PLSCR2: variants seen among roughly 807,000 people sequenced by gnomAD.
PLSCR2 encodes the protein PL scramblase 2.
Under a neutral mutation model 25.3 loss-of-function variants are expected in PLSCR2, and 18 were observed. The ratio of observed to expected loss-of-function variants is 0.71; its 90% CI spans 0.49 to 1.06. The LOEUF (loss-of-function observed/expected upper bound fraction) is 1.06, where lower values mean the gene tolerates loss of function less well. PLSCR2 is among the 50% of genes least tolerant of loss of function. PLSCR2 has a pLI of 0.00. For missense variants in PLSCR2, 243 were observed against 269.5 expected, an observed-to-expected ratio of 0.90 and a Z score of 0.69; for synonymous variants, 88 against 87.3, an observed-to-expected ratio of 1.01 and a Z score of -0.04.
exon 7 of PLSCR2, chr3:146,441,769 C>T: frequency 1.9e-6 from 3 of 1,567,514 alleles, no homozygotes; most frequent in Non-Finnish European, 2.6e-6. Context: ...TTAATCCACT[C>T]CCACACTCTG....
intron 1 of PLSCR2, among the ~76,000 whole-genome samples, chr3:146,481,208 A>G (rs1401906758): frequency 6.6e-6 from 1 of 152,190 alleles, no homozygotes; most frequent in Non-Finnish European, 1.5e-5. Flanking sequence ...CTCCTATTCA[A>G]TATAGTGTTG....
upstream of PLSCR2, among the ~76,000 whole-genome samples, chr3:146,462,116 T>C (rs1380899891): frequency 6.6e-6 from 1 of 152,146 alleles, no homozygotes; most frequent in Non-Finnish European, 1.5e-5. Context: ...GTAGGTCCAA[T>C]ACAACTGTTG....
At chr3:146,493,174 C>G (rs1466922418) in intron 1 of PLSCR2, among the ~76,000 whole-genome samples, 2 of 151,940 alleles carry the variant, frequency 1.3e-5, no homozygotes, top group Non-Finnish European at 2.9e-5. Context: ...AAAAACCTAC[C>G]AACAAGAAAA....
At chr3:146,488,760 G>C (rs1353630864) in intron 1 of PLSCR2, among the ~76,000 whole-genome samples, 1 of 152,076 alleles carries the variant, frequency 6.6e-6, no homozygotes, top group African/African-American at 2.4e-5. Context: ...ACAGTGTGGT[G>C]ACTCCTCAAG....
At chr3:146,412,598 G>A (rs887994479) in intron 2 of PLSCR2, among the ~76,000 whole-genome samples, 3 of 152,118 alleles carry the variant, frequency 2.0e-5, no homozygotes, top group Non-Finnish European at 4.4e-5. Context: ...TGCCACAAAC[G>A]AAATAGCACT....
chr3:146,399,336 A>C (rs2038382123), intron 2 of PLSCR2, among the ~76,000 whole-genome samples: 1 of 151,848 alleles, frequency 6.6e-6, no homozygotes, highest in Non-Finnish European at 1.5e-5. Flanking sequence ...ATAATGGGTT[A>C]TTATGCTGCC....
At chr3:146,425,477 A>T (rs762191057) in intron 2 of PLSCR2, among the ~76,000 whole-genome samples, 20 of 152,148 alleles carry the variant, frequency 1.3e-4, no homozygotes, top group Non-Finnish European at 2.5e-4. Context: ...GGTTTCCACC[A>T]TGGGTGTGGC....
chr3:146,416,107 C>A (rs951448136), intron 2 of PLSCR2, among the ~76,000 whole-genome samples: 1 of 151,964 alleles, frequency 6.6e-6, no homozygotes, highest in Non-Finnish European at 1.5e-5. Flanking sequence ...CCCACCACCA[C>A]GCCTGGCTAA....
intron 2 of PLSCR2, among the ~76,000 whole-genome samples, chr3:146,409,208 C>A (rs2108030765): frequency 6.6e-6 from 1 of 152,196 alleles, no homozygotes; most frequent in African/African-American, 2.4e-5. Flanking sequence ...ACTTGTGCCT[C>A]TCTCAGTGGT....
At chr3:146,492,879 A>G (rs192172199) in intron 1 of PLSCR2, among the ~76,000 whole-genome samples, 1 of 152,126 alleles carries the variant, frequency 6.6e-6, no homozygotes, top group Non-Finnish European at 1.5e-5. Flanking sequence ...TTTTAAAAGA[A>G]AAATCAAGCT....
rs544030656 is a variant in PLSCR2 at position 146,413,025 on chromosome 3, C to G, written c.101-17104G>C. On this transcript the variant is annotated intron_variant and NMD_transcript_variant, in intron 2 of 3. Coordinates refer to the PLSCR2 transcript ENST00000463633. ...GGAAGTTAAACTTTAAAATGGAGAA[C>G]AAAGAATAAGAGAGCTGAACATACT... 5.3e-5 allele frequency among the ~76,000 whole-genome samples: 8 copies of G among 152,266 alleles called. No individual in the cohort carries two copies. The South Asian group carries it at 1.7e-3, about 32-fold the overall frequency.
chr3:146,418,033 G>A (rs1321861682), intron 2 of PLSCR2, among the ~76,000 whole-genome samples: 6 of 152,024 alleles, frequency 3.9e-5, no homozygotes, highest in African/African-American at 1.4e-4. Context: ...TCTCTCATTA[G>A]GAGGCTTGTA....
chr3:146,493,037 A>G (rs2043607992), intron 1 of PLSCR2, among the ~76,000 whole-genome samples: 1 of 152,104 alleles, frequency 6.6e-6, no homozygotes, highest in Non-Finnish European at 1.5e-5. Flanking sequence ...ACTTCTATGT[A>G]CACATATTAG....
At chr3:146,407,481 G>A (rs577394518) in intron 2 of PLSCR2, among the ~76,000 whole-genome samples, 2 of 152,286 alleles carry the variant, frequency 1.3e-5, no homozygotes, top group South Asian at 2.1e-4. Context: ...AAGTTTTCTC[G>A]GAGACGGTGG....
intron 1 of PLSCR2, among the ~76,000 whole-genome samples, chr3:146,482,079 A>G (rs1443532054): frequency 6.6e-6 from 1 of 152,214 alleles, no homozygotes; most frequent in Admixed American, 6.5e-5. Flanking sequence ...AATTAATTCA[A>G]GATGGAATAA....
chr3:146,488,418 C>T (rs1283213287), intron 1 of PLSCR2, among the ~76,000 whole-genome samples: 1 of 152,038 alleles, frequency 6.6e-6, no homozygotes, highest in African/African-American at 2.4e-5. Context: ...AAAAGTTTTG[C>T]AGTCTTTCTA....
At chr3:146,441,147 T>C (rs1350219996), downstream of PLSCR2, among the ~76,000 whole-genome samples, 1 of 152,102 alleles carries the variant, frequency 6.6e-6, no homozygotes, top group Non-Finnish European at 1.5e-5. Context: ...GGTTAGCTGA[T>C]AGGAGAAGGT....
intron 2 of PLSCR2, among the ~76,000 whole-genome samples, chr3:146,398,103 A>T (rs1326220761): frequency 6.6e-6 from 1 of 151,978 alleles, no homozygotes. Flanking sequence ...ATGATGTTAA[A>T]CCAACACAAT....
At chr3:146,484,409 G>A (rs560572837) in intron 1 of PLSCR2, among the ~76,000 whole-genome samples, 19 of 151,958 alleles carry the variant, frequency 1.3e-4, no homozygotes, top group African/African-American at 4.6e-4. Context: ...AGCAAGACAG[G>A]CCAACATGCA....
Sources: allele counts gnomAD v4.1 joint callset (sites outside exome capture counted in the v4.1 genomes callset), GRCh38; gene constraint gnomAD v4.1.1; transcripts MANE v1.5; gene names NCBI Gene and HGNC (gene_info 2026-07-23, HGNC 2026-07-21).